RGS5: variants seen among roughly 807,000 people sequenced by gnomAD.
The protein encoded by RGS5 is regulator of G protein signaling 5.
RGS5 carries 20 observed loss-of-function variants against 18.9 expected under a neutral mutation model. That is an observed-to-expected ratio of 1.06 (90% confidence interval 0.74 to 1.54). The LOEUF is 1.54. RGS5 is among the 40% of genes most tolerant of loss of function. RGS5 has a pLI of 0.00. For synonymous variants in RGS5, 57 were observed against 76.2 expected (o/e 0.75, Z 1.31); for missense variants, 201 against 211.8 (o/e 0.95, Z 0.32).
intron 2 of RGS5, among the ~76,000 whole-genome samples, chr1:163,278,732 C>G (rs1039462627): frequency 2.6e-5 from 4 of 152,038 alleles, no homozygotes; most frequent in African/African-American, 9.7e-5. Context: ...GGTTTAAATT[C>G]TCCAATTAAA....
chr1:163,154,480 T>C (rs546110848), intron 3 of RGS5, among the ~76,000 whole-genome samples: 363 of 152,218 alleles, frequency 2.4e-3, no homozygotes, highest in African/African-American at 8.3e-3. Flanking sequence ...TTACCCTAAA[T>C]ACATTTTTAA....
chr1:163,191,238 C>T (rs563558913), intron 1 of RGS5, among the ~76,000 whole-genome samples: 37 of 152,136 alleles, frequency 2.4e-4, no homozygotes, highest in African/African-American at 5.3e-4. Flanking sequence ...GTGAGACTGA[C>T]GCCAGTAGCC....
chr1:163,267,591 G>A (rs1648602147), intron 2 of RGS5, among the ~76,000 whole-genome samples: 1 of 152,098 alleles, frequency 6.6e-6, no homozygotes, highest in African/African-American at 2.4e-5. Flanking sequence ...GCCCCCTACA[G>A]TTGAGCAGCT....
chr1:163,264,828 C>T (rs10917709), intron 2 of RGS5, among the ~76,000 whole-genome samples: 3,653 of 152,132 alleles, frequency 0.024, 148 homozygotes, highest in African/African-American at 0.082. Context: ...CCCAGTTCAT[C>T]ACTCTCCTGA....
chr1:163,182,528 T>A (rs1445151194), intron 1 of RGS5, among the ~76,000 whole-genome samples: 1 of 152,054 alleles, frequency 6.6e-6, no homozygotes, highest in East Asian at 1.9e-4. Context: ...TCCCTCAGAG[T>A]AGGTTACTGG....
At chr1:163,273,694 T>G (rs1030998197) in intron 2 of RGS5, among the ~76,000 whole-genome samples, 60 of 152,280 alleles carry the variant, frequency 3.9e-4, no homozygotes, top group African/African-American at 1.4e-3. Flanking sequence ...TTATATGAAC[T>G]GTTATTTTTC....
chr1:163,317,635 T>C (rs573538603), intron 1 of RGS5, among the ~76,000 whole-genome samples: 1 of 152,272 alleles, frequency 6.6e-6, no homozygotes, highest in South Asian at 2.1e-4. Context: ...AAGTTACTAT[T>C]AGCCTTAAGA....
chr1:163,280,519 T>C (rs1648965562), intron 2 of RGS5, among the ~76,000 whole-genome samples: 1 of 152,092 alleles, frequency 6.6e-6, no homozygotes, highest in African/African-American at 2.4e-5. Context: ...ATCTCATTTG[T>C]AATAGCTTTA....
intron 1 of RGS5, among the ~76,000 whole-genome samples, chr1:163,177,675 C>T (rs571265025): frequency 1.3e-5 from 2 of 152,270 alleles, no homozygotes; most frequent in South Asian, 4.2e-4. Flanking sequence ...CCCATGATCA[C>T]GCAGTCACCC....
chr1:163,301,845 A>C (rs1369242174), intron 2 of RGS5, among the ~76,000 whole-genome samples: 1 of 152,114 alleles, frequency 6.6e-6, no homozygotes, highest in African/African-American at 2.4e-5. Context: ...TCACTTCATA[A>C]TTATCAAAAG....
intron 2 of RGS5, among the ~76,000 whole-genome samples, chr1:163,299,945 T>C (rs1471059777): frequency 6.6e-6 from 1 of 152,226 alleles, no homozygotes; most frequent in Non-Finnish European, 1.5e-5. Context: ...CTTTCTTAAA[T>C]GACTTGTGTG....
chr1:163,205,687 T>C (rs959664432), upstream of RGS5, among the ~76,000 whole-genome samples: 1 of 152,104 alleles, frequency 6.6e-6, no homozygotes, highest in African/African-American at 2.4e-5. Flanking sequence ...AAGCACTAGA[T>C]ATTACAGTTC....
intron 2 of RGS5, among the ~76,000 whole-genome samples, chr1:163,289,986 G>A (rs1293588233): frequency 6.6e-6 from 1 of 152,160 alleles, no homozygotes; most frequent in Non-Finnish European, 1.5e-5. Flanking sequence ...TATTCAACAT[G>A]GAGGTTCCCT....
intron 2 of RGS5, among the ~76,000 whole-genome samples, chr1:163,243,815 C>T (rs1019520091): frequency 4.2e-4 from 62 of 146,994 alleles, no homozygotes; most frequent in South Asian, 1.1e-3. Context: ...ATTCACACAA[C>T]ACACACACAC....
chr1:163,180,308 T>A (rs1658757227), intron 1 of RGS5, among the ~76,000 whole-genome samples: 1 of 152,204 alleles, frequency 6.6e-6, no homozygotes, highest in African/African-American at 2.4e-5. Context: ...CCTTGCTTCT[T>A]CATACCTATA....
At chr1:163,175,150 C>T (rs1375147218) in intron 1 of RGS5, among the ~76,000 whole-genome samples, 1 of 152,094 alleles carries the variant, frequency 6.6e-6, no homozygotes, top group Non-Finnish European at 1.5e-5. Context: ...ACACAAGCTT[C>T]TAAAACACTC....
intron 2 of RGS5, among the ~76,000 whole-genome samples, chr1:163,249,598 G>A (rs1248163807): frequency 6.6e-6 from 1 of 152,156 alleles, no homozygotes; most frequent in Non-Finnish European, 1.5e-5. Flanking sequence ...GGAGACCAGC[G>A]TGGCCAGCAT....
chr1:163,226,034 C>T (rs186476040), intron 2 of RGS5, among the ~76,000 whole-genome samples: 29 of 152,142 alleles, frequency 1.9e-4, no homozygotes, highest in Non-Finnish European at 3.5e-4. Context: ...TATTCTCCTG[C>T]CTCAGCCTCC....
intron 1 of RGS5, chr1:163,211,680 G>A (rs958510715): frequency 1.3e-5 from 2 of 152,110 alleles, no homozygotes; most frequent in Non-Finnish European, 2.9e-5. Flanking sequence ...CACCACATAT[G>A]ATATATGAGA....
Sources: allele counts gnomAD v4.1 joint callset (sites outside exome capture counted in the v4.1 genomes callset), GRCh38; gene constraint gnomAD v4.1.1; transcripts MANE v1.5; gene names NCBI Gene and HGNC (gene_info 2026-07-23, HGNC 2026-07-21).